Variants in ACOT7 observed in about 807,000 individuals in gnomAD.
ACOT7 encodes acyl-CoA thioesterase 7.
A neutral mutation model predicts 40.2 loss-of-function variants in ACOT7; 12 were observed. The observed-to-expected ratio is 0.30, with a 90% CI of 0.19 to 0.48. The LOEUF (loss-of-function observed/expected upper bound fraction) is 0.48, where lower values mean the gene tolerates loss of function less well. Among genes scored for constraint, ACOT7 ranks in the 20% least tolerant of loss-of-function variants. ACOT7 has a pLI of 0.99. For synonymous variants in ACOT7, 228 were observed against 219.5 expected (o/e 1.04, Z -0.34); for missense variants, 395 against 530.8 (o/e 0.74, Z 2.51).
Position 6,293,692 on chromosome 1 carries a change from T to A in ACOT7, c.829+1172A>T, listed in dbSNP as rs186557770. 1.2e-3 allele frequency among the ~76,000 whole-genome samples: 184 copies of A among 152,060 alleles called. 1 individual carries two copies. The highest frequency in any genetic ancestry group is 2.1e-3 in the Non-Finnish European group (140 of 67,990). On this transcript the variant is annotated intron_variant, in intron 7 of 8. Coordinates refer to ENST00000361521, the MANE Select transcript of ACOT7 (RefSeq NM_007274.4). ...CTCCGGCCTGGGTGACAGAATAAGA[T>A]CGTGTTGTGGAAAAAAGAAAAGGAT...
chr1:6,274,592 C>G lies in ACOT7; in HGVS notation c.1014+6510G>C, dbSNP rs532086129. Among the ~76,000 whole-genome samples the G allele has an allele frequency of 6.6e-6, 1 of 152,330 alleles. No individual in the cohort carries two copies. Among genetic ancestry groups the G allele is most frequent in the African/African-American group, 2.4e-5 (1 of 41,568 alleles). On this transcript the variant is annotated intron_variant, in intron 8 of 8. Coordinates refer to ENST00000361521, the MANE Select transcript of ACOT7 (RefSeq NM_007274.4). This position sits in a 1 kb window ranked among gnomAD's most constrained non-coding sequence, Gnocchi z 5.9. The stretch of plus-strand genomic sequence containing the variant: ...GGCAGCAGCAGAAGCGAGGTGGGCA[C>G]CATGTTCCAGAGCCTTCTGAAAGTT...
At chr1:6,390,372 G>A (rs1489253090) in intron 1 of ACOT7, among the ~76,000 whole-genome samples, 1 of 152,022 alleles carries the variant, frequency 6.6e-6, no homozygotes, top group Non-Finnish European at 1.5e-5. Context: ...AGGAGTTCGA[G>A]ACTAGCCTGG....
At chr1:6,331,836 G>T (rs904390598) in intron 4 of ACOT7, among the ~76,000 whole-genome samples, 1 of 152,210 alleles carries the variant, frequency 6.6e-6, no homozygotes, top group Non-Finnish European at 1.5e-5. Flanking sequence ...GACCTTCACT[G>T]CCCTCTGAGG....
rs765582820 is a variant in ACOT7 at position 6,393,354 on chromosome 1, T to G, written c.46A>C (p.Thr16Pro). The G allele has an allele frequency of 4.8e-6, 6 of 1,244,268 alleles. No homozygotes were observed. Among genetic ancestry groups the G allele is most frequent in the Non-Finnish European group, 6.0e-6 (6 of 993,598 alleles). The allele number at this position is 1,244,268 out of a possible 1,614,324, so 77.1% of individuals were successfully genotyped here. Residue 16 changes from threonine to proline, a missense_variant, in exon 1 of 9, where the codon ACC becomes CCC. By Grantham distance (38) the Thr-to-Pro change is conservative. Around this residue, in one of 2 missense-constraint regions of ACOT7, gnomAD observed 86 missense variants for 60.5 expected, o/e 1.42. Coordinates refer to ENST00000361521, the MANE Select transcript of ACOT7 (RefSeq NM_007274.4). Reference sequence around the variant, plus strand: ...GCGGGCGGCTGCAGAAGGGCGCAGGTGTCTGGCAGGCCCGGCGCGGAATGA... The same window carrying G: ...GCGGGCGGCTGCAGAAGGGCGCAGGGGTCTGGCAGGCCCGGCGCGGAATGA... ...LIHSAPGLPD[T>P]CALLQPPAAS...
Position 6,315,435 on chromosome 1 carries a change from G to A in ACOT7, c.712+3057C>T, listed in dbSNP as rs145994646. Among the ~76,000 whole-genome samples, 208 of 152,208 alleles carry A rather than the reference G, an allele frequency of 1.4e-3. 1 individual carries two copies. Among genetic ancestry groups the A allele is most frequent in the African/African-American group, 4.9e-3 (202 of 41,520 alleles). On this transcript the variant is annotated intron_variant, in intron 6 of 8. Coordinates refer to ENST00000361521, the MANE Select transcript of ACOT7 (RefSeq NM_007274.4). ...TGGTGTTTATTTTATTCATTCACTC[G>A]TGGTGAGTTACCAGGCCCTATAAGA...
chr1:6,349,870 G>T lies in ACOT7; in HGVS notation c.144-4C>A, dbSNP rs1319652805. On this transcript the variant is annotated splice_polypyrimidine_tract_variant and splice_region_variant and intron_variant, in intron 1 of 8. Transcript: ENST00000361521. ...GGCATCATCTGGCCGCATGATCCTA[G>T]GGCAGAGGAGAAGCAGGATGAGGCC... 6.2e-7 allele frequency: 1 copy of T among 1,613,866 alleles called. No homozygotes were observed. Among genetic ancestry groups the T allele is most frequent in the Non-Finnish European group, 8.5e-7 (1 of 1,179,848 alleles).
chr1:6,282,221 A>C lies in ACOT7; in HGVS notation c.830-935T>G, dbSNP rs1639377750. On this transcript the variant is annotated intron_variant, in intron 7 of 8. Coordinates refer to ENST00000361521, the MANE Select transcript of ACOT7 (RefSeq NM_007274.4). This position sits in a 1 kb window ranked among gnomAD's most constrained non-coding sequence, Gnocchi z 4.5. ...CTACCTGGCCTCAACATAATCCCTT[A>C]ATCTCAGGGAGCTCAGCTCTTCCCT... is the stretch of plus-strand genomic sequence containing the variant. Among the ~76,000 whole-genome samples the C allele has an allele frequency of 1.3e-5, 2 of 151,990 alleles. No homozygotes were observed. Among genetic ancestry groups the C allele is most frequent in the African/African-American group, 2.4e-5 (1 of 41,390 alleles).
rs917639699 is a variant in ACOT7, at chr1:6,294,419, T to C, written c.829+445A>G. Among the ~76,000 whole-genome samples, 4 of 152,226 alleles carry C rather than the reference T, an allele frequency of 2.6e-5. No homozygotes were observed. Among genetic ancestry groups the C allele is most frequent in the Non-Finnish European group, 5.9e-5 (4 of 68,048 alleles). On this transcript the variant is annotated intron_variant, in intron 7 of 8. Coordinates refer to ENST00000361521, the MANE Select transcript of ACOT7 (RefSeq NM_007274.4). This position sits in a 1 kb window ranked among gnomAD's most constrained non-coding sequence, Gnocchi z 4.6. ...AAACCACCCAATGCCAGTGCTGCCC[T>C]GGGTGGCGTGGGCAGGGCTGGCCGA...
intron 5 of ACOT7, among the ~76,000 whole-genome samples, chr1:6,322,299 C>T (rs544666077): frequency 6.6e-6 from 1 of 152,346 alleles, no homozygotes; most frequent in East Asian, 1.9e-4. Context: ...AGCTCCTCTA[C>T]TCTGCTTCTG....
intron 6 of ACOT7, 63 bp from the exon 7 acceptor site, chr1:6,295,043 G>T: frequency 7.4e-7 from 1 of 1,344,434 alleles, no homozygotes; most frequent in Non-Finnish European, 1.1e-6. Context: ...TTCACACCCT[G>T]GAAACAAGTT....
intron 3 of ACOT7, among the ~76,000 whole-genome samples, chr1:6,333,825 G>C (rs1485811580): frequency 6.6e-6 from 1 of 152,144 alleles, no homozygotes; most frequent in East Asian, 1.9e-4. Flanking sequence ...GAGAGAGGCT[G>C]CGTGGGGCCC....
In ACOT7 at chr1:6,364,466, G is replaced by A. The variant is rs570450636; in HGVS notation, c.144-14600C>T. Among the ~76,000 whole-genome samples, 12 of 151,556 alleles carry A rather than the reference G, an allele frequency of 7.9e-5. No individual in the cohort carries two copies. The South Asian group carries it at 1.0e-3, about 13-fold the overall frequency. On this transcript the variant is annotated intron_variant, in intron 1 of 8. Coordinates refer to ENST00000361521, the MANE Select transcript of ACOT7 (RefSeq NM_007274.4). Reference sequence around the variant, plus strand: ...TGAGGCAGGAGAATCCCTTGAAGCCGGGAGGCAGAAGTTGCAGTGAGCCAA... The same window carrying A: ...TGAGGCAGGAGAATCCCTTGAAGCCAGGAGGCAGAAGTTGCAGTGAGCCAA...
chr1:6,316,596 G>A (rs1420497211), intron 6 of ACOT7, among the ~76,000 whole-genome samples: 1 of 152,234 alleles, frequency 6.6e-6, no homozygotes, highest in African/African-American at 2.4e-5. Flanking sequence ...GATCACTTGA[G>A]GTCAGGAGTT....
chr1:6,276,997 C>A (rs144604168), intron 8 of ACOT7, among the ~76,000 whole-genome samples: 29 of 152,240 alleles, frequency 1.9e-4, no homozygotes, highest in South Asian at 6.2e-4. Context: ...ACCACCCCCC[C>A]CCAGGGTATG....
intron 4 of ACOT7, among the ~76,000 whole-genome samples, chr1:6,333,270 G>A (rs1009965232): frequency 2.0e-5 from 3 of 152,194 alleles, no homozygotes; most frequent in East Asian, 1.9e-4. Context: ...GTGTTTCCTC[G>A]GAGGCAGGAC....
rs1639755455 is a variant in ACOT7 at position 6,294,411 on chromosome 1, T to G, written c.829+453A>C. On this transcript the variant is annotated intron_variant, in intron 7 of 8. Transcript: ENST00000361521. The surrounding 1 kb of genome is among the most constrained non-coding windows in gnomAD (Gnocchi z 4.6). ...GTGGAGAAAAACCACCCAATGCCAGTGCTGCCCTGGGTGGCGTGGGCAGGG... is the reference window on the plus strand; with the variant it reads ...GTGGAGAAAAACCACCCAATGCCAGGGCTGCCCTGGGTGGCGTGGGCAGGG... Among the ~76,000 whole-genome samples, 1 of 152,212 alleles carries G rather than the reference T, an allele frequency of 6.6e-6. No individual in the cohort carries two copies. The highest frequency in any genetic ancestry group is 2.1e-4 in the South Asian group (1 of 4,832).
At chr1:6,273,344 T>C (rs909312409) in intron 8 of ACOT7, among the ~76,000 whole-genome samples, 1 of 152,134 alleles carries the variant, frequency 6.6e-6, no homozygotes, top group Non-Finnish European at 1.5e-5. Flanking sequence ...TCTAGGCACA[T>C]GGGACTCACT....
intron 2 of ACOT7, among the ~76,000 whole-genome samples, chr1:6,342,679 A>C (rs978414870): frequency 2.0e-5 from 3 of 152,198 alleles, no homozygotes; most frequent in African/African-American, 7.2e-5. Context: ...GGAATTGAAC[A>C]TTCTTCTTCT....
rs145831751 is a variant in ACOT7 at position 6,349,971 on chromosome 1, C to T, written c.144-105G>A. The T allele has an allele frequency of 8.1e-3, 8,967 of 1,111,768 alleles. 61 individuals are homozygous for T. The highest frequency in any genetic ancestry group is 0.01 in the Non-Finnish European group (7,874 of 750,840). The allele number at this position is 1,111,768 out of a possible 1,614,324, so 68.9% of individuals were successfully genotyped here. Reference sequence around the variant, plus strand: ...GGTCCCCAAAGGGCTCAATGGCTCCCGGAGGAAAGAGAACCTTCCCAATGT... The same window carrying T: ...GGTCCCCAAAGGGCTCAATGGCTCCTGGAGGAAAGAGAACCTTCCCAATGT... On this transcript the variant is annotated intron_variant, in intron 1 of 8. Transcript: ENST00000361521.
Sources: allele counts gnomAD v4.1 joint callset (sites outside exome capture counted in the v4.1 genomes callset), GRCh38; gene constraint gnomAD v4.1.1; regional missense constraint gnomAD v4.1.1; non-coding constraint Gnocchi (gnomAD v3.1); transcripts MANE v1.5; gene names NCBI Gene and HGNC (gene_info 2026-07-23, HGNC 2026-07-21).